The following PDZRN3 variants were observed in gnomAD, a reference collection of about 807,000 sequenced individuals.
The protein encoded by PDZRN3 is PDZ domain containing ring finger 3.
In PDZRN3, 38 loss-of-function variants were observed where a neutral mutation model predicts 85.7. The ratio of observed to expected loss-of-function variants is 0.44; its 90% confidence interval spans 0.34 to 0.58. The LOEUF (loss-of-function observed/expected upper bound fraction) is 0.58, where lower values mean the gene tolerates loss of function less well. Ranked by LOEUF, PDZRN3 falls within the 20% of genes least tolerant of loss-of-function variation. The pLI, the probability that PDZRN3 is intolerant of heterozygous loss-of-function variation, is 0.01. For missense variants in PDZRN3, 1,629 were observed against 1,506.4 expected (o/e 1.08, Z -1.35); for synonymous variants, 759 against 638.0 (o/e 1.19, Z -2.86).
intron 3 of PDZRN3, among the ~76,000 whole-genome samples, chr3:73,473,248 T>A (rs1325492158): frequency 1.3e-5 from 2 of 149,972 alleles, no homozygotes; most frequent in Admixed American, 6.6e-5. Context: ...GCAGAAATAT[T>A]TTTTTTTCTC....
chr3:73,463,086 G>A (rs1480136125), intron 3 of PDZRN3, among the ~76,000 whole-genome samples: 3 of 152,108 alleles, frequency 2.0e-5, no homozygotes, highest in African/African-American at 7.2e-5. Context: ...AAGTAAGGAC[G>A]GCATACATGT....
intron 3 of PDZRN3, among the ~76,000 whole-genome samples, chr3:73,486,923 C>T (rs908258480): frequency 1.3e-4 from 5 of 39,248 alleles, no homozygotes; most frequent in African/African-American, 2.0e-4. Flanking sequence ...AACTTATGGC[C>T]TATTATAAGC....
intron 3 of PDZRN3, among the ~76,000 whole-genome samples, chr3:73,478,309 TCTGTCTC>T (rs889072198): frequency 1.3e-5 from 2 of 152,022 alleles, no homozygotes; most frequent in Non-Finnish European, 2.9e-5. Flanking sequence ...CCACCTAAGC[TCTGTCTC>T]CTGTCAGATC....
intron 3 of PDZRN3, among the ~76,000 whole-genome samples, chr3:73,540,674 C>T (rs1351313852): frequency 1.3e-5 from 2 of 152,154 alleles, no homozygotes; most frequent in East Asian, 3.8e-4. Context: ...GTTTACCTCC[C>T]CTTTCACCAT....
chr3:73,443,501 G>C (rs1872952), intron 3 of PDZRN3, among the ~76,000 whole-genome samples: 5 of 127,806 alleles, frequency 3.9e-5, no homozygotes, highest in African/African-American at 2.0e-4. Flanking sequence ...TTTTTTTTGG[G>C]GGGGGGACAG....
In PDZRN3 at chr3:73,416,876, G is replaced by GTTTTTTTTTTTTTT. The variant is rs146381615; in HGVS notation, c.919-12495_919-12482dup. Among the ~76,000 whole-genome samples the GTTTTTTTTTTTTTT allele has an allele frequency of 3.7e-4, 41 of 110,384 alleles. 3 individuals carry two copies. Among genetic ancestry groups the GTTTTTTTTTTTTTT allele is most frequent in the Non-Finnish European group, 5.1e-4 (28 of 54,922 alleles). The allele number at this position is 110,384 out of a possible 152,430, so 72.4% of individuals were successfully genotyped here. Reference sequence around the variant, plus strand: ...TTTTTTTTTTGTTTGTTTTTTTTTGGTTTTTTTTTTTTTTTTTTTTTTTTT... The same window carrying GTTTTTTTTTTTTTT: ...TTTTTTTTTTGTTTGTTTTTTTTTGGTTTTTTTTTTTTTTTTTTTTTTTTTTTTTTTTTTTTTTT... On this transcript the variant is annotated intron_variant, in intron 3 of 9. Coordinates refer to ENST00000263666, the MANE Select transcript of PDZRN3 (RefSeq NM_015009.3).
chr3:73,607,408 C>T (rs1470737632), intron 2 of PDZRN3, among the ~76,000 whole-genome samples: 3 of 152,156 alleles, frequency 2.0e-5, no homozygotes, highest in African/African-American at 7.2e-5. Flanking sequence ...CTCCCCAGGA[C>T]ACCTCCTCCC....
intron 3 of PDZRN3, among the ~76,000 whole-genome samples, chr3:73,595,441 T>C (rs1288211662): frequency 6.6e-6 from 1 of 152,180 alleles, no homozygotes; most frequent in Non-Finnish European, 1.5e-5. Context: ...ATTTCTAACA[T>C]TAACCAAAAA....
At chr3:73,410,721 A>C (rs1559663691) in intron 3 of PDZRN3, among the ~76,000 whole-genome samples, 1 of 152,232 alleles carries the variant, frequency 6.6e-6, no homozygotes, top group Non-Finnish European at 1.5e-5. Flanking sequence ...TGAGTCTTAG[A>C]GGTTAAAAAC....
chr3:73,602,729 T>A (rs1424271201), intron 2 of PDZRN3, among the ~76,000 whole-genome samples: 2 of 152,240 alleles, frequency 1.3e-5, no homozygotes, highest in Non-Finnish European at 2.9e-5. Context: ...CTATTTGACT[T>A]TATGCATCCT....
At chr3:73,449,876 G>A (rs3863974) in intron 3 of PDZRN3, among the ~76,000 whole-genome samples, 118,875 of 152,078 alleles carry the variant, frequency 0.78, 46,684 homozygotes, top group East Asian at 0.91. Context: ...CATGCTTTAC[G>A]TAGATGAGGC....
intron 2 of PDZRN3, among the ~76,000 whole-genome samples, chr3:73,604,945 G>T (rs1702573042): frequency 6.6e-6 from 1 of 152,174 alleles, no homozygotes; most frequent in African/African-American, 2.4e-5. Context: ...AGCAGGCCAG[G>T]CATGGCAGCT....
At position 73,553,469 on chromosome 3, in the gene PDZRN3, G is replaced by A. The variant is rs531712357; in HGVS notation, c.918+48885C>T. On this transcript the variant is annotated intron_variant, in intron 3 of 9. Transcript: ENST00000263666. Reference sequence around the variant, plus strand: ...CACATGCCTGTAATCCCAGCTACTCGGGAGGCTGAGGCAGGAGAATCGCTT... The same window carrying A: ...CACATGCCTGTAATCCCAGCTACTCAGGAGGCTGAGGCAGGAGAATCGCTT... Among the ~76,000 whole-genome samples, 4 of 152,106 alleles carry A rather than the reference G, an allele frequency of 2.6e-5. No individual in the cohort carries two copies. The East Asian group carries it at 5.8e-4, about 22-fold the overall frequency.
chr3:73,443,483 T>TTC (rs1553689596), intron 3 of PDZRN3, among the ~76,000 whole-genome samples: 1 of 131,116 alleles, frequency 7.6e-6, no homozygotes, highest in East Asian at 2.1e-4. Context: ...CTTTTTCTTT[T>TTC]TTTTTTTTTT....
intron 3 of PDZRN3, among the ~76,000 whole-genome samples, chr3:73,463,726 TC>T: frequency 6.6e-6 from 1 of 152,344 alleles, no homozygotes; most frequent in East Asian, 1.9e-4. Context: ...ACATGTATGT[TC>T]ACTGCAGCAC....
At chr3:73,536,121 T>C (rs890661216) in intron 3 of PDZRN3, among the ~76,000 whole-genome samples, 1 of 152,240 alleles carries the variant, frequency 6.6e-6, no homozygotes, top group Non-Finnish European at 1.5e-5. Flanking sequence ...TGGTAATAAA[T>C]ACAAAGGTCT....
At chr3:73,396,356 G>T (rs113404820) in intron 5 of PDZRN3, among the ~76,000 whole-genome samples, 2 of 152,162 alleles carry the variant, frequency 1.3e-5, no homozygotes, top group Non-Finnish European at 2.9e-5. Context: ...CACGCAGGCC[G>T]AGGTAGGTCC....
At chr3:73,454,061 T>C (rs1186086861) in intron 3 of PDZRN3, among the ~76,000 whole-genome samples, 4 of 152,198 alleles carry the variant, frequency 2.6e-5, no homozygotes, top group Admixed American at 2.0e-4. Flanking sequence ...GTAAAAATTA[T>C]AGTTAAACAG....
intron 3 of PDZRN3, among the ~76,000 whole-genome samples, chr3:73,504,561 C>A (rs1011337538): frequency 2.6e-5 from 4 of 152,192 alleles, no homozygotes; most frequent in Admixed American, 6.5e-5. Flanking sequence ...TCTGAACACT[C>A]TTTCTTGGAC....
Sources: gnomAD v4.1 joint callset for allele counts (sites outside exome capture counted in the v4.1 genomes callset) on GRCh38, gnomAD v4.1.1 for gene constraint, MANE v1.5 for transcripts, NCBI Gene and HGNC (gene_info 2026-07-23, HGNC 2026-07-21) for gene names.